Variants in RACK1 observed in about 807,000 individuals in gnomAD.
The protein encoded by RACK1 is receptor for activated C kinase 1.
Under a neutral mutation model 42.2 loss-of-function variants are expected in RACK1, and 3 were observed. The observed-to-expected ratio is 0.07, with a 90% CI of 0.03 to 0.18. The LOEUF (loss-of-function observed/expected upper bound fraction) is 0.18, where lower values mean the gene tolerates loss of function less well. Among genes scored for constraint, RACK1 ranks in the 10% least tolerant of loss-of-function variants. The probability of loss-of-function intolerance (pLI) is 1.00; values close to 1 mark genes in which losing one functional copy is unlikely to be tolerated. For synonymous variants in RACK1, 181 were observed against 154.8 expected, an observed-to-expected ratio of 1.17 and a Z score of -1.25; for missense variants, 146 against 403.2, an observed-to-expected ratio of 0.36 and a Z score of 5.46.
chr5:181,238,239 C>T lies in RACK1; in HGVS notation c.637G>A (p.Asp213Asn), dbSNP rs145995963. Residue 213 changes from aspartate (D) to asparagine (N), a missense_variant and splice_region_variant, in exon 6 of 8, where the codon GAT becomes AAT. By Grantham distance (23) the Asp-to-Asn change is conservative (BLOSUM62 1). Coordinates refer to ENST00000512805, the MANE Select transcript of RACK1 (RefSeq NM_006098.5). ...AGATCCCATAACATGGCCTGGCCAT[C>T]CTGGACACAGGTAAGGTAAATCAGG... is the stretch of plus-strand genomic sequence containing the variant. The part of the protein sequence containing the change: ...DGSLCASGGK[D>N]GQAMLWDLNE... 7.4e-6 allele frequency: 12 copies of T among 1,613,986 alleles called. No homozygotes were observed. In the African/African-American group the frequency reaches 1.5e-4, roughly 20 times the overall value.
intron 3 of RACK1, 107 bp downstream of exon 3, chr5:181,241,385 G>C: frequency 1.0e-6 from 1 of 973,278 alleles, no homozygotes; most frequent in Non-Finnish European, 1.5e-6. Context: ...AGCCGAGACT[G>C]CGCCACTGCA....
chr5:181,238,025 C>G, intron 6 of RACK1, 74 bp downstream of exon 6: 1 of 1,515,238 alleles, frequency 6.6e-7, no homozygotes, highest in South Asian at 1.1e-5. Context: ...AGTCAGATGG[C>G]ATATATAATA....
rs779770577 is a variant in RACK1, at chr5:181,238,932, C to T, written c.636+135G>A. On this transcript the variant is annotated intron_variant, in intron 5 of 7. Transcript: ENST00000512805. ...AAAGTAATCTTTGGAAACATATTCT[C>T]AGATTGCCATTATCTCATTATCCTC... 7 of 756,254 alleles carry T rather than the reference C, an allele frequency of 9.3e-6. No individual in the cohort carries two copies. The African/African-American group carries it at 1.0e-4, about 11-fold the overall frequency. The allele number at this position is 756,254 out of a possible 1,614,324, so 46.8% of individuals were successfully genotyped here. A position where few individuals can be genotyped will look rare whatever the true frequency, so the allele number is the denominator to read the frequency against.
chr5:181,238,366 T>C (rs1759214521), intron 5 of RACK1, 127 bp from the exon 6 acceptor site: 4 of 930,834 alleles, frequency 4.3e-6, no homozygotes, highest in South Asian at 3.1e-5. Context: ...TGAAAGCTAA[T>C]GACTCAAGTA....
At chr5:181,237,868 G>A in intron 6 of RACK1, 149 bp from the exon 7 acceptor site, 2 of 661,564 alleles carry the variant, frequency 3.0e-6, no homozygotes, top group Admixed American at 2.5e-5. Context: ...GTTGCCACTA[G>A]TGGAAGGATG....
chr5:181,239,969 C>T (rs1249219478), intron 3 of RACK1, among the ~76,000 whole-genome samples: 1 of 152,148 alleles, frequency 6.6e-6, no homozygotes, highest in African/African-American at 2.4e-5. Context: ...TGCTTAAACC[C>T]AGGAAGCGAA....
intron 1 of RACK1, chr5:181,243,297 C>G: frequency 7.4e-7 from 1 of 1,358,730 alleles, no homozygotes; most frequent in Non-Finnish European, 9.7e-7. Flanking sequence ...TCCCCACGAG[C>G]CTTGGGCCGG....
intron 1 of RACK1, chr5:181,243,458 C>T: frequency 6.7e-7 from 1 of 1,492,634 alleles, no homozygotes; most frequent in Non-Finnish European, 8.9e-7. Context: ...CTCCAACCCT[C>T]CTAGCAGCTG....
rs189395828 is a variant in RACK1 at position 181,239,293 on chromosome 5, A to G, written c.526-116T>C. 338 of 795,962 alleles carry G rather than the reference A, an allele frequency of 4.2e-4. 3 individuals carry two copies. Among genetic ancestry groups the G allele is most frequent in the South Asian group, 3.4e-3 (245 of 71,776 alleles). The allele number at this position is 795,962 out of a possible 1,614,324, so 49.3% of individuals were successfully genotyped here. A position where few individuals can be genotyped will look rare whatever the true frequency, so the allele number is the denominator to read the frequency against. The stretch of plus-strand genomic sequence containing the variant: ...CGGTAGCCATTTCTCATTCAGTAAC[A>G]TGTCCTGGCCACTTCACGTTAGATT... On this transcript the variant is annotated intron_variant, in intron 4 of 7. Coordinates refer to ENST00000512805, the MANE Select transcript of RACK1 (RefSeq NM_006098.5).
At chr5:181,238,809 C>CA (rs1011732504) in intron 5 of RACK1, 20 of 447,898 alleles carry the variant, frequency 4.5e-5, no homozygotes, top group South Asian at 2.9e-4. Context: ...AAAAAAAAAA[C>CA]AAAAAACAAA....
At chr5:181,239,668 T>C (rs1435094025) in intron 3 of RACK1, 86 bp from the exon 4 acceptor site, 2 of 803,642 alleles carry the variant, frequency 2.5e-6, no homozygotes, top group African/African-American at 3.4e-5. Flanking sequence ...AGTAGGATGA[T>C]GGCTGGCAGC....
intron 1 of RACK1, 175 bp downstream of exon 1, chr5:181,243,517 T>A: frequency 7.1e-7 from 1 of 1,413,730 alleles, no homozygotes. Flanking sequence ...TTCGCCCGGG[T>A]TGAGGCCTAG....
At position 181,243,687 on chromosome 5, in the gene RACK1, C is replaced by A. The variant is rs1460305018; in HGVS notation, c.109+5G>T. 6.3e-7 allele frequency: 1 copy of A among 1,593,982 alleles called. No individual in the cohort carries two copies. On this transcript the variant is annotated splice_donor_5th_base_variant and intron_variant, in intron 1 of 7. Transcript: ENST00000512805. ...TCGGGTCCTGAAATCTACCTTAGTCCGTACCTCGAGAGGCGGAGAGGATCA... is the reference window on the plus strand; with the variant it reads ...TCGGGTCCTGAAATCTACCTTAGTCAGTACCTCGAGAGGCGGAGAGGATCA...
chr5:181,243,548 A>C, intron 1 of RACK1, 144 bp downstream of exon 1: 6 of 1,387,524 alleles, frequency 4.3e-6, no homozygotes, highest in Non-Finnish European at 5.9e-6. Context: ...GCACGCCCCA[A>C]TTCACAATGG....
rs57779325 is a variant in RACK1 at position 181,238,084 on chromosome 5, G to A, written c.777+15C>T. ...AGTGCAGCCAGGTACCCAGTCAATT[G>A]TAACCCACACTCACCCAGATCTTGA... On this transcript the variant is annotated intron_variant, in intron 6 of 7. Coordinates refer to ENST00000512805, the MANE Select transcript of RACK1 (RefSeq NM_006098.5). 1.6e-3 allele frequency: 2,623 copies of A among 1,613,874 alleles called. 37 individuals carry two copies. The African/African-American group carries it at 0.031, about 19-fold the overall frequency.
intron 2 of RACK1, chr5:181,241,911 A>T: frequency 1.3e-6 from 1 of 766,622 alleles, no homozygotes; most frequent in Non-Finnish European, 2.4e-6. Flanking sequence ...CCACCTGCCA[A>T]TTACCTGAGC....
chr5:181,238,417 CT>C, intron 5 of RACK1, 178 bp from the exon 6 acceptor site: 1 of 603,454 alleles, frequency 1.7e-6, no homozygotes, highest in Non-Finnish European at 2.9e-6. Flanking sequence ...AACGTAAGAC[CT>C]TACCAACCCC....
rs1759453312 is a variant in RACK1, at chr5:181,243,896, G to C, written c.-96C>G. 5.5e-6 allele frequency: 8 copies of C among 1,456,032 alleles called. No homozygotes were observed. The highest frequency in any genetic ancestry group is 2.5e-4 in the Middle Eastern group (1 of 4,004). The allele number at this position is 1,456,032 out of a possible 1,614,324, so 90.2% of individuals were successfully genotyped here. On this transcript the variant is annotated 5_prime_UTR_variant, in exon 1 of 8. Coordinates refer to ENST00000512805, the MANE Select transcript of RACK1 (RefSeq NM_006098.5). Reference sequence around the variant, plus strand: ...CAACCTCTCCTGCCGCCGCCTTGCAGTGAAAGAGAGAGAGAAAAGCCCCCC... The same window carrying C: ...CAACCTCTCCTGCCGCCGCCTTGCACTGAAAGAGAGAGAGAAAAGCCCCCC...
Position 181,240,734 on chromosome 5 carries a change from A to G in RACK1, c.429+758T>C, listed in dbSNP as rs530167497. On this transcript the variant is annotated intron_variant, in intron 3 of 7. Coordinates refer to ENST00000512805, the MANE Select transcript of RACK1 (RefSeq NM_006098.5). ...TTGTTTAAATAGATGGGGTCTCACTATGTTGGCCAGGCTGCTCTCCTGTCC... is the reference window on the plus strand; with the variant it reads ...TTGTTTAAATAGATGGGGTCTCACTGTGTTGGCCAGGCTGCTCTCCTGTCC... 1.8e-4 allele frequency among the ~76,000 whole-genome samples: 28 copies of G among 152,224 alleles called. No homozygotes were observed. The South Asian group carries it at 4.1e-3, about 23-fold the overall frequency.
Sources: allele counts gnomAD v4.1 joint callset (sites outside exome capture counted in the v4.1 genomes callset), GRCh38; gene constraint gnomAD v4.1.1; transcripts MANE v1.5; gene names NCBI Gene and HGNC (gene_info 2026-07-23, HGNC 2026-07-21).